Variants in ADAMTS9 observed in about 807,000 individuals in gnomAD.
ADAMTS9 encodes A disintegrin and metalloproteinase with thrombospondin motifs 9.
ADAMTS9 carries 107 observed loss-of-function variants against 257.1 expected under a neutral mutation model. That is an observed-to-expected ratio of 0.42 (90% CI 0.36 to 0.49). The LOEUF (loss-of-function observed/expected upper bound fraction) is 0.49. Ranked by LOEUF, ADAMTS9 falls within the 20% of genes least tolerant of loss-of-function variation. The pLI is 0.03. For synonymous variants in ADAMTS9, 982 were observed against 880.9 expected, an observed-to-expected ratio of 1.11 and a Z score of -2.03; for missense variants, 2,353 against 2,469.1, an observed-to-expected ratio of 0.95 and a Z score of 1.00.
intron 3 of ADAMTS9, among the ~76,000 whole-genome samples, chr3:64,664,901 A>G (rs557142290): frequency 2.0e-5 from 3 of 152,182 alleles, no homozygotes; most frequent in South Asian, 2.1e-4. Context: ...AAGTTCAAAT[A>G]AGACACTTCG....
chr3:64,586,100 G>T (rs1371564988), intron 28 of ADAMTS9, among the ~76,000 whole-genome samples: 25 of 152,050 alleles, frequency 1.6e-4, no homozygotes, highest in Non-Finnish European at 3.5e-4. Context: ...TTCAAATCCT[G>T]GTTCAGCCAC....
intron 28 of ADAMTS9, among the ~76,000 whole-genome samples, chr3:64,581,386 C>CTATT (rs1370434515): frequency 4.6e-5 from 7 of 151,808 alleles, no homozygotes; most frequent in Non-Finnish European, 5.9e-5. Context: ...AAATTTTAAT[C>CTATT]TATTTATTTA....
At position 64,602,174 on chromosome 3, in the gene ADAMTS9, C is replaced by CT; in HGVS notation, c.3786dup (p.Val1263SerfsTer8). 6.2e-7 allele frequency: 1 copy of CT among 1,614,068 alleles called. No homozygotes were observed. Among genetic ancestry groups the CT allele is most frequent in the South Asian group, 1.1e-5 (1 of 91,086 alleles). On this transcript the variant is annotated frameshift_variant, in exon 26 of 40. Transcript: ENST00000498707. LOFTEE classifies it high-confidence loss of function. Reference sequence around the variant, plus strand: ...TGGTCACTGTAGTTGACACACATCACTTGCCGGGTTGCCCTACCTTGCCCA... The same window carrying CT: ...TGGTCACTGTAGTTGACACACATCACTTTGCCGGGTTGCCCTACCTTGCCCA...
chr3:64,639,565 T>A (rs1222939510), intron 12 of ADAMTS9, among the ~76,000 whole-genome samples: 1 of 104,546 alleles, frequency 9.6e-6, no homozygotes, highest in Non-Finnish European at 1.9e-5. Flanking sequence ...AAAGTATTAT[T>A]TTAAAAAAGG....
intron 28 of ADAMTS9, among the ~76,000 whole-genome samples, chr3:64,580,984 C>G (rs1421357504): frequency 1.3e-5 from 2 of 152,136 alleles, no homozygotes; most frequent in African/African-American, 2.4e-5. Context: ...TAATTACTGA[C>G]TGTATAATTA....
In ADAMTS9 at chr3:64,547,868, T is replaced by A. The variant is rs548886246; in HGVS notation, c.4870-916A>T. 2.0e-5 allele frequency among the ~76,000 whole-genome samples: 3 copies of A among 152,188 alleles called. No individual in the cohort carries two copies. The South Asian group carries it at 6.2e-4, about 32-fold the overall frequency. ...ACCTCCTTAGCTAAGTTTTTTTTTT[T>A]ATCATTTTCTATATAAAAAATAAAA... On this transcript the variant is annotated intron_variant, in intron 31 of 39. Transcript: ENST00000498707.
intron 21 of ADAMTS9, among the ~76,000 whole-genome samples, chr3:64,614,169 C>T (rs758930912): frequency 1.3e-4 from 20 of 152,158 alleles, no homozygotes; most frequent in Non-Finnish European, 2.9e-4. Flanking sequence ...AGTTTGATCT[C>T]CCAACCCCCA....
intron 28 of ADAMTS9, among the ~76,000 whole-genome samples, chr3:64,580,985 T>G (rs2083983742): frequency 1.3e-5 from 2 of 152,178 alleles, no homozygotes; most frequent in South Asian, 2.1e-4. Context: ...AATTACTGAC[T>G]GTATAATTAT....
intron 30 of ADAMTS9, 25 bp downstream of exon 30, chr3:64,561,553 G>A: frequency 6.2e-7 from 1 of 1,603,672 alleles, no homozygotes; most frequent in African/African-American, 1.3e-5. Context: ...ATGCCTGGCA[G>A]GTACCCCTTT....
rs145543781 is a variant in ADAMTS9 at position 64,616,103 on chromosome 3, A to T, written c.2881T>A (p.Tyr961Asn). The change falls in exon 20 of 40, where the codon TAC becomes AAC. Residue 961 changes from tyrosine (Y) to asparagine (N), a missense_variant. Around this residue, in one of 3 missense-constraint regions of ADAMTS9, gnomAD observed 1,402 missense variants for 1,441.4 expected, o/e 0.97. Coordinates refer to ENST00000498707, the MANE Select transcript of ADAMTS9 (RefSeq NM_182920.2). The stretch of plus-strand genomic sequence containing the variant: ...TCCAGCCTGCTATATTTGGCACAGT[A>T]GATGTCCAATGTGCGGTAACCCAAG... ...CGLGYRTLDI[Y>N]CAKYSRLDGK... The T allele has an allele frequency of 2.6e-5, 42 of 1,614,160 alleles. No homozygotes were observed. The East Asian group carries it at 8.9e-4, about 34-fold the overall frequency.
rs34998404 is a variant in ADAMTS9, at chr3:64,611,075, C to CAAA, written c.3354+2267_3354+2269dup. 9.7e-5 allele frequency among the ~76,000 whole-genome samples: 7 copies of CAAA among 72,152 alleles called. No individual in the cohort carries two copies. In the East Asian group the frequency reaches 1.7e-3, roughly 17 times the overall value. 47.3% of individuals were successfully genotyped at this position (72,152 alleles called of 152,430 possible). On this transcript the variant is annotated intron_variant, in intron 22 of 39. Coordinates refer to ENST00000498707, the MANE Select transcript of ADAMTS9 (RefSeq NM_182920.2). The stretch of plus-strand genomic sequence containing the variant: ...TGGGCGACAGAGTGAGACTCTGTCT[C>CAAA]AAAAAAAAAAAAAAAAAAAAAAAAA...
At chr3:64,609,509 T>A (rs1356587969) in intron 22 of ADAMTS9, among the ~76,000 whole-genome samples, 7 of 148,512 alleles carry the variant, frequency 4.7e-5, no homozygotes, top group African/African-American at 7.4e-5. Flanking sequence ...AAAGTAAATT[T>A]AAAAAAAAAA....
intron 21 of ADAMTS9, chr3:64,615,066 C>T: frequency 2.7e-6 from 1 of 365,056 alleles, no homozygotes; most frequent in East Asian, 4.6e-5. Flanking sequence ...ACTGCAACTT[C>T]AAAATCACAA....
chr3:64,550,815 C>T, intron 31 of ADAMTS9, 77 bp downstream of exon 31: 11 of 1,570,516 alleles, frequency 7.0e-6, no homozygotes, highest in Non-Finnish European at 9.6e-6. Flanking sequence ...CATTCCTGCA[C>T]TCATCCCTCC....
chr3:64,669,436 A>G (rs2107009328), intron 3 of ADAMTS9, among the ~76,000 whole-genome samples: 1 of 152,232 alleles, frequency 6.6e-6, no homozygotes, highest in East Asian at 1.9e-4. Context: ...CCTGTGTTCA[A>G]TTTTGCCATT....
At position 64,631,388 on chromosome 3, in the gene ADAMTS9, A is replaced by G. The variant is rs1576138625; in HGVS notation, c.2389+67T>C. 48 of 1,243,054 alleles carry G rather than the reference A, an allele frequency of 3.9e-5. No homozygotes were observed. In the South Asian group the frequency reaches 5.3e-4, roughly 14 times the overall value. 77.0% of individuals were successfully genotyped at this position (1,243,054 alleles called of 1,614,324 possible). A position where few individuals can be genotyped will look rare whatever the true frequency, so the allele number is the denominator to read the frequency against. On this transcript the variant is annotated intron_variant, in intron 16 of 39. Transcript: ENST00000498707. ...TCTGCCTCTGCATGCCAGAGAAGGA[A>G]GGAAGCAGTATCTGGCCACTGCTCC... is the stretch of plus-strand genomic sequence containing the variant.
rs1264472731 is a variant in ADAMTS9, at chr3:64,613,470, C to G, written c.3229G>C (p.Val1077Leu). The G allele has an allele frequency of 6.2e-7, 1 of 1,613,910 alleles. No homozygotes were observed. Among genetic ancestry groups the G allele is most frequent in the Non-Finnish European group, 8.5e-7 (1 of 1,179,880 alleles). ...CGATCTTCACCAAACTGACACCAGA[C>G]CTGGCGGTGCTTATGCCCTTTTCCA... ...TCGKGHKHRQVWCQFGEDRLN... is the reference protein window; with the variant it reads ...TCGKGHKHRQLWCQFGEDRLN... The change falls in exon 22 of 40, where the codon GTC becomes CTC. Residue 1077 changes from valine to leucine, a missense_variant. Transcript: ENST00000498707.
chr3:64,660,537 G>T (rs1701196303), intron 3 of ADAMTS9, among the ~76,000 whole-genome samples: 1 of 152,170 alleles, frequency 6.6e-6, no homozygotes, highest in African/African-American at 2.4e-5. Flanking sequence ...ATTCTGAGCA[G>T]TGTGATGGAC....
chr3:64,595,383 T>G (rs1410455108), intron 27 of ADAMTS9, among the ~76,000 whole-genome samples: 2 of 152,228 alleles, frequency 1.3e-5, no homozygotes, highest in Non-Finnish European at 2.9e-5. Context: ...TGGACAGTGC[T>G]GCTGCGCTCA....
Sources: allele counts gnomAD v4.1 joint callset (sites outside exome capture counted in the v4.1 genomes callset), GRCh38; gene constraint gnomAD v4.1.1; regional missense constraint gnomAD v4.1.1; transcripts MANE v1.5; gene names NCBI Gene and HGNC (gene_info 2026-07-23, HGNC 2026-07-21).